USP43: variants seen among roughly 807,000 people sequenced by gnomAD.
USP43 encodes the protein ubiquitin carboxyl-terminal hydrolase 43.
In USP43, 33 loss-of-function variants were observed where a neutral mutation model predicts 90.7. The observed-to-expected ratio is 0.36, with a 90% CI of 0.28 to 0.49. USP43 has a LOEUF of 0.49. USP43 is among the 20% of genes least tolerant of loss of function. The pLI is 0.98. For synonymous variants in USP43, 598 were observed against 615.8 expected (o/e 0.97, Z 0.43); for missense variants, 1,274 against 1,476.4 (o/e 0.86, Z 2.25).
intron 2 of USP43, among the ~76,000 whole-genome samples, chr17:9,662,532 A>G (rs1055158548): frequency 6.6e-6 from 1 of 152,122 alleles, no homozygotes; most frequent in Non-Finnish European, 1.5e-5. Context: ...GTGGTGAGCT[A>G]CGTCCACAGG....
intron 14 of USP43, among the ~76,000 whole-genome samples, chr17:9,718,896 CA>C (rs1916767641): frequency 6.6e-6 from 1 of 151,158 alleles, no homozygotes; most frequent in African/African-American, 2.4e-5. Context: ...CTATTTCATG[CA>C]GTATGTTTTG....
intron 1 of USP43, among the ~76,000 whole-genome samples, chr17:9,655,084 G>GA (rs57985388): frequency 0.073 from 2,707 of 37,228 alleles, 248 homozygotes; most frequent in East Asian, 0.12. Context: ...AGAAAGAAAG[G>GA]AAAAAAAAAA....
intron 14 of USP43, among the ~76,000 whole-genome samples, chr17:9,713,538 A>G (rs2151996073): frequency 6.6e-6 from 1 of 152,258 alleles, no homozygotes; most frequent in East Asian, 1.9e-4. Flanking sequence ...GTTTGTAGAG[A>G]GTCTACTCTG....
chr17:9,667,137 G>A (rs184793445), intron 3 of USP43, among the ~76,000 whole-genome samples: 39 of 152,230 alleles, frequency 2.6e-4, no homozygotes, highest in Admixed American at 1.2e-3. Flanking sequence ...AGTTCCAAGC[G>A]TTATGGAGGA....
At chr17:9,704,119 C>T (rs1373402313) in intron 12 of USP43, among the ~76,000 whole-genome samples, 1 of 152,118 alleles carries the variant, frequency 6.6e-6, no homozygotes, top group African/African-American at 2.4e-5. Flanking sequence ...ATTTCTGTTC[C>T]TTTGTCTAGG....
chr17:9,690,044 C>T (rs1042179449), intron 8 of USP43, among the ~76,000 whole-genome samples: 8 of 152,116 alleles, frequency 5.3e-5, no homozygotes, highest in African/African-American at 1.7e-4. Flanking sequence ...CGTATGAGCT[C>T]CCTGCCCTTC....
At chr17:9,676,413 A>C (rs1413494780) in intron 4 of USP43, among the ~76,000 whole-genome samples, 1 of 152,080 alleles carries the variant, frequency 6.6e-6, no homozygotes, top group Non-Finnish European at 1.5e-5. Flanking sequence ...TGTGTCACCC[A>C]GGCTGGAGTG....
chr17:9,681,199 C>CTATATAATATACTATATAATATATAA (rs1914191826), intron 6 of USP43, among the ~76,000 whole-genome samples: 1 of 53,318 alleles, frequency 1.9e-5, no homozygotes, highest in Non-Finnish European at 2.9e-5. Flanking sequence ...ATAATATATA[C>CTATATAATATACTATATAATATATAA]TATATAATAT....
chr17:9,647,913 G>A (rs940332239), intron 1 of USP43, among the ~76,000 whole-genome samples: 6 of 151,898 alleles, frequency 4.0e-5, no homozygotes, highest in African/African-American at 1.5e-4. Context: ...CCCAGCTACT[G>A]GGGAGGCTGG....
chr17:9,649,622 C>T (rs540446034), intron 1 of USP43, among the ~76,000 whole-genome samples: 27 of 143,040 alleles, frequency 1.9e-4, no homozygotes, highest in East Asian at 4.0e-4. Flanking sequence ...GGTGAGAATA[C>T]GCAATATTTG....
intron 3 of USP43, among the ~76,000 whole-genome samples, chr17:9,671,964 A>C (rs911391482): frequency 2.6e-5 from 4 of 152,160 alleles, no homozygotes; most frequent in Admixed American, 1.3e-4. Flanking sequence ...CCTATAGTTT[A>C]TTATGAAAAC....
chr17:9,705,446 T>C (rs1359011921), intron 12 of USP43, among the ~76,000 whole-genome samples: 1 of 152,096 alleles, frequency 6.6e-6, no homozygotes, highest in African/African-American at 2.4e-5. Context: ...ACTGACTCAT[T>C]CTTTTACTAT....
chr17:9,654,986 C>T (rs1180264853), intron 1 of USP43, among the ~76,000 whole-genome samples: 1 of 151,574 alleles, frequency 6.6e-6, no homozygotes. Flanking sequence ...GATCCATCCG[C>T]CTCGGCCTCC....
intron 8 of USP43, among the ~76,000 whole-genome samples, chr17:9,688,923 A>T (rs1914761372): frequency 6.6e-6 from 1 of 151,960 alleles, no homozygotes; most frequent in Non-Finnish European, 1.5e-5. Context: ...TCCCGGGCTC[A>T]GTTGATCCAT....
At chr17:9,653,970 C>G (rs1376793324) in intron 1 of USP43, among the ~76,000 whole-genome samples, 1 of 152,000 alleles carries the variant, frequency 6.6e-6, no homozygotes, top group Admixed American at 6.6e-5. Context: ...GAACCAGCAT[C>G]CAGAATGCTT....
intron 7 of USP43, among the ~76,000 whole-genome samples, chr17:9,684,763 C>CAA (rs34404550): frequency 0.046 from 2,936 of 64,166 alleles, 214 homozygotes; most frequent in African/African-American, 0.14. Flanking sequence ...AACTCCATCT[C>CAA]AAAAAAAAAA....
At chr17:9,725,955 G>A (rs1265993199) in intron 14 of USP43, among the ~76,000 whole-genome samples, 2 of 152,092 alleles carry the variant, frequency 1.3e-5, no homozygotes, top group African/African-American at 2.4e-5. Flanking sequence ...CCCACCCCCC[G>A]AGGGCTGGGA....
chr17:9,711,915 A>G (rs1373624522), intron 13 of USP43, 53 bp from the exon 14 acceptor site: 5 of 1,515,292 alleles, frequency 3.3e-6, no homozygotes, highest in Middle Eastern at 2.3e-4. Context: ...CTCCGCTAGG[A>G]CTCTGAAGTG....
In USP43 at chr17:9,712,025, G is replaced by A. The variant is rs770268180; in HGVS notation, c.2228G>A (p.Gly743Asp). The A allele has an allele frequency of 3.7e-6, 6 of 1,612,222 alleles. No individual in the cohort carries two copies. Among genetic ancestry groups the A allele is most frequent in the East Asian group, 4.5e-5 (2 of 44,700 alleles). The change falls in exon 14 of 15, where the codon GGC (glycine) becomes GAC (aspartate). Residue 743 changes from glycine to aspartate, a missense_variant. Gly to Asp is a moderately conservative substitution (Grantham distance 94). Around this residue, in one of 6 missense-constraint regions of USP43, gnomAD observed 285 missense variants for 349.6 expected, o/e 0.82. Transcript: ENST00000285199. ...CTCTTACGGCTCGGGAGCCACGCTG[G>A]CAGCACAAGGGGAAGCCTGCTGTCC... ...HWLLRLGSHAGSTRGSLLSWS... is the reference protein window; with the variant it reads ...HWLLRLGSHADSTRGSLLSWS...
Sources: allele counts gnomAD v4.1 joint callset (sites outside exome capture counted in the v4.1 genomes callset), GRCh38; gene constraint gnomAD v4.1.1; regional missense constraint gnomAD v4.1.1; transcripts MANE v1.5; gene names NCBI Gene and HGNC (gene_info 2026-07-23, HGNC 2026-07-21).